ZC3H12B: variants seen among roughly 807,000 people sequenced by gnomAD.
The protein encoded by ZC3H12B is zinc finger CCCH-type containing 12B.
Under a neutral mutation model 43.9 loss-of-function variants are expected in ZC3H12B, and 7 were observed. That is an observed-to-expected ratio of 0.16 (90% confidence interval 0.09 to 0.30). ZC3H12B has a LOEUF of 0.30. ZC3H12B is among the 10% of genes least tolerant of loss of function. The probability of loss-of-function intolerance (pLI) is 1.00; values close to 1 mark genes in which losing one functional copy is unlikely to be tolerated. For missense variants in ZC3H12B, 475 were observed against 670.2 expected, an observed-to-expected ratio of 0.71 and a Z score of 3.22; for synonymous variants, 222 against 241.7, an observed-to-expected ratio of 0.92 and a Z score of 0.76.
chrX:65,399,575 T>G (rs2066739897), intron 3 of ZC3H12B, among the ~76,000 whole-genome samples: 1 of 112,022 alleles, frequency 8.9e-6, no homozygotes, highest in Non-Finnish European at 1.9e-5. Flanking sequence ...CCTCATACAG[T>G]GTTGGTGGTA....
chrX:65,472,689 T>C (rs2067933294), intron 3 of ZC3H12B, among the ~76,000 whole-genome samples: 1 of 106,311 alleles, frequency 9.4e-6, no homozygotes, highest in Non-Finnish European at 1.9e-5. Context: ...TTTTTCCCCA[T>C]TGTGCATTCT....
At chrX:65,067,246 G>A in the ZC3H12B span, among the ~76,000 whole-genome samples, 1 of 110,918 alleles carries the variant, frequency 9.0e-6, no homozygotes, top group Non-Finnish European at 1.9e-5. Flanking sequence ...CCCATTTTGT[G>A]CTTGAAACCC....
intron 3 of ZC3H12B, among the ~76,000 whole-genome samples, chrX:65,499,659 T>C (rs904831441): frequency 1.1e-4 from 12 of 111,247 alleles, no homozygotes; most frequent in African/African-American, 3.6e-4. Context: ...GGCTCAAACA[T>C]GTAGTTCATG....
At chrX:65,477,022 T>C (rs1182705864) in intron 3 of ZC3H12B, among the ~76,000 whole-genome samples, 3 of 101,669 alleles carry the variant, frequency 3.0e-5, no homozygotes, top group Non-Finnish European at 5.9e-5. Context: ...TTTGTAGAGA[T>C]GCAGTTTCAC....
At chrX:65,200,160 T>C in the ZC3H12B span, among the ~76,000 whole-genome samples, 10,158 of 111,045 alleles carry the variant, frequency 0.091, 544 homozygotes, top group Non-Finnish European at 0.14. Flanking sequence ...TGGTGTGAGA[T>C]GGTATCTCAT....
chrX:65,174,023 G>A, the ZC3H12B span, among the ~76,000 whole-genome samples: 1 of 111,562 alleles, frequency 9.0e-6, no homozygotes, highest in Non-Finnish European at 1.9e-5. Context: ...GCTGCAGTTT[G>A]CTGGAGGTTC....
At chrX:65,054,285 A>G in the ZC3H12B span, among the ~76,000 whole-genome samples, 2 of 105,740 alleles carry the variant, frequency 1.9e-5, no homozygotes, top group East Asian at 2.9e-4. Context: ...TAATTTTTGT[A>G]TAAGGTGTAA....
At chrX:65,394,821 C>A (rs2066674605) in intron 2 of ZC3H12B, among the ~76,000 whole-genome samples, 1 of 111,932 alleles carries the variant, frequency 8.9e-6, no homozygotes, top group South Asian at 3.7e-4. Context: ...GATATTGATT[C>A]TTCCTATCCA....
At chrX:65,328,708 C>A in the ZC3H12B span, among the ~76,000 whole-genome samples, 1 of 67,033 alleles carries the variant, frequency 1.5e-5, no homozygotes. Flanking sequence ...CTCCCCCCAC[C>A]CCACAACAGT....
the ZC3H12B span, among the ~76,000 whole-genome samples, chrX:65,216,831 A>G: frequency 8.9e-6 from 1 of 112,089 alleles, no homozygotes; most frequent in East Asian, 2.8e-4. Flanking sequence ...TTTGTATGGT[A>G]TTTCTAGACC....
chrX:65,136,684 G>T, the ZC3H12B span, among the ~76,000 whole-genome samples: 3 of 111,445 alleles, frequency 2.7e-5, no homozygotes, highest in African/African-American at 9.8e-5. Context: ...CCAAGTCTGG[G>T]ATATAACAGA....
intron 3 of ZC3H12B, among the ~76,000 whole-genome samples, chrX:65,429,595 G>A (rs1186681548): frequency 8.9e-6 from 1 of 112,482 alleles, no homozygotes; most frequent in Non-Finnish European, 1.9e-5. Flanking sequence ...GGACCATTTG[G>A]ATTCTCCAAA....
At chrX:65,402,829 T>A (rs2066779466) in intron 3 of ZC3H12B, among the ~76,000 whole-genome samples, 1 of 112,306 alleles carries the variant, frequency 8.9e-6, no homozygotes. Flanking sequence ...CTTTTTAATT[T>A]CTGGAAAGCT....
chrX:65,114,007 A>ATATATATATG, the ZC3H12B span, among the ~76,000 whole-genome samples: 1 of 58,799 alleles, frequency 1.7e-5, no homozygotes, highest in Non-Finnish European at 4.4e-5. Flanking sequence ...ATATATATAT[A>ATATATATATG]TATATATATA....
the ZC3H12B span, among the ~76,000 whole-genome samples, chrX:65,303,217 T>G: frequency 2.7e-5 from 3 of 110,679 alleles, no homozygotes; most frequent in African/African-American, 9.8e-5. Context: ...TACTTGAGGG[T>G]AAAGGACGGG....
At chrX:65,487,161 G>C (rs2068134853), upstream of ZC3H12B, among the ~76,000 whole-genome samples, 1 of 112,680 alleles carries the variant, frequency 8.9e-6, no homozygotes, top group Non-Finnish European at 1.9e-5. Context: ...ATTACGTTTG[G>C]CTCTGTTTCC....
At chrX:65,166,555 T>C in the ZC3H12B span, among the ~76,000 whole-genome samples, 2 of 112,037 alleles carry the variant, frequency 1.8e-5, no homozygotes, top group Middle Eastern at 4.6e-3. Flanking sequence ...TTTCAGTATA[T>C]AAGCAGTAAT....
chrX:65,459,994 A>C (rs2067711235), intron 3 of ZC3H12B, among the ~76,000 whole-genome samples: 1 of 112,287 alleles, frequency 8.9e-6, no homozygotes, highest in East Asian at 2.8e-4. Context: ...TAAGCTGATA[A>C]GCAACTTCAG....
At chrX:65,489,091 T>C in exon 1 of ZC3H12B, 4 of 1,211,890 alleles carry the variant, frequency 3.3e-6, no homozygotes, top group Non-Finnish European at 4.5e-6. Context: ...AGCAGCATTT[T>C]ACAGGATGGT....
Sources: gnomAD v4.1 joint callset for allele counts (sites outside exome capture counted in the v4.1 genomes callset) on GRCh38, gnomAD v4.1.1 for gene constraint, MANE v1.5 for transcripts, NCBI Gene and HGNC (gene_info 2026-07-23, HGNC 2026-07-21) for gene names.